Variants in NSUN7 observed in about 807,000 individuals in gnomAD.
NSUN7 encodes the protein NOP2/Sun RNA methyltransferase family member 7.
A neutral mutation model predicts 58.5 loss-of-function variants in NSUN7; 39 were observed. That is an observed-to-expected ratio of 0.67 (90% confidence interval 0.52 to 0.87). NSUN7 has a LOEUF of 0.87. NSUN7 is among the 40% of genes least tolerant of loss of function. The probability of loss-of-function intolerance (pLI) is 0.00; values close to 1 mark genes in which losing one functional copy is unlikely to be tolerated. For missense variants in NSUN7, 765 were observed against 844.1 expected, an observed-to-expected ratio of 0.91 and a Z score of 1.16; for synonymous variants, 278 against 303.7, an observed-to-expected ratio of 0.92 and a Z score of 0.88.
chr4:40,786,711 T>A, intron 7 of NSUN7: 1 of 1,567,554 alleles, frequency 6.4e-7, no homozygotes, highest in Non-Finnish European at 8.6e-7. Flanking sequence ...AAAAGAAAGA[T>A]GAATATCAAT....
chr4:40,760,738 G>T (rs1170794185), intron 3 of NSUN7, among the ~76,000 whole-genome samples: 1 of 151,780 alleles, frequency 6.6e-6, no homozygotes, highest in East Asian at 1.9e-4. Flanking sequence ...GCACATGCCT[G>T]TAATCCCAGC....
At chr4:40,757,940 A>G (rs1741258888) in intron 2 of NSUN7, among the ~76,000 whole-genome samples, 1 of 92,602 alleles carries the variant, frequency 1.1e-5, no homozygotes, top group Non-Finnish European at 2.5e-5. Flanking sequence ...GTTTTTGGGC[A>G]ACGGAGTTTC....
At chr4:40,793,937 A>C (rs1230026946) in intron 8 of NSUN7, among the ~76,000 whole-genome samples, 1 of 152,134 alleles carries the variant, frequency 6.6e-6, no homozygotes, top group Non-Finnish European at 1.5e-5. Flanking sequence ...TTTTCTTCCA[A>C]AGTTTCTTTT....
intron 2 of NSUN7, among the ~76,000 whole-genome samples, chr4:40,753,687 A>C (rs746101831): frequency 4.6e-5 from 7 of 152,224 alleles, no homozygotes. Flanking sequence ...TTTTTCTTAT[A>C]ATAATACGTT....
chr4:40,782,667 C>G (rs557610641), intron 7 of NSUN7, among the ~76,000 whole-genome samples: 1 of 151,906 alleles, frequency 6.6e-6, no homozygotes, highest in Non-Finnish European at 1.5e-5. Context: ...GCCAGGAGTT[C>G]GAGACCAATC....
rs188619978 is a variant in NSUN7, at chr4:40,755,570, G to A, written c.298+4579G>A. Among the ~76,000 whole-genome samples, 332 of 152,280 alleles carry A rather than the reference G, an allele frequency of 2.2e-3. 2 individuals are homozygous for A. The highest frequency in any genetic ancestry group is 7.4e-3 in the African/African-American group (309 of 41,556). ...GAACTTCGAATCCCAGGAACTGATT[G>A]TAGCATTAACCTGGTGATTTCAGAA... On this transcript the variant is annotated intron_variant, in intron 2 of 11. Transcript: ENST00000381782.
chr4:40,751,787 C>T (rs1382333661), intron 2 of NSUN7, among the ~76,000 whole-genome samples: 1 of 151,968 alleles, frequency 6.6e-6, no homozygotes. Flanking sequence ...TGAGCTCAGG[C>T]GTTAAAGACC....
chr4:40,801,839 C>T (rs1355755861), intron 10 of NSUN7, among the ~76,000 whole-genome samples: 1 of 144,794 alleles, frequency 6.9e-6, no homozygotes, highest in African/African-American at 2.6e-5. Flanking sequence ...GAGGTTAAGG[C>T]TGTAGTGAGC....
At chr4:40,799,881 G>A (rs144577989) in intron 10 of NSUN7, among the ~76,000 whole-genome samples, 26 of 152,194 alleles carry the variant, frequency 1.7e-4, no homozygotes, top group East Asian at 1.4e-3. Flanking sequence ...GACTTCAGCT[G>A]TCATGATAAA....
chr4:40,754,694 C>G lies in NSUN7; in HGVS notation c.298+3703C>G, dbSNP rs75889811. Among the ~76,000 whole-genome samples, 749 of 152,210 alleles carry G rather than the reference C, an allele frequency of 4.9e-3. 5 individuals carry two copies. The highest frequency in any genetic ancestry group is 0.017 in the African/African-American group (713 of 41,522). ...TTAAAGAGAGCTTGAGTAATGGTCC[C>G]TTTTGTTTGTGAATTTGTGAACAGG... On this transcript the variant is annotated intron_variant, in intron 2 of 11. Coordinates refer to ENST00000381782, the MANE Select transcript of NSUN7 (RefSeq NM_024677.6).
chr4:40,787,345 A>G (rs1283637803), intron 7 of NSUN7, among the ~76,000 whole-genome samples: 1 of 147,284 alleles, frequency 6.8e-6, no homozygotes, highest in African/African-American at 2.5e-5. Context: ...AAATAAAAAA[A>G]TAAAAAAAGT....
Position 40,761,076 on chromosome 4 carries a change from C to T in NSUN7, c.358-95C>T, listed in dbSNP as rs1374083422. ...ATGTAAAAATAGTCGTATTCCTGCTCTGTTATGAAAAATAATGGAATGGAA... is the reference window on the plus strand; with the variant it reads ...ATGTAAAAATAGTCGTATTCCTGCTTTGTTATGAAAAATAATGGAATGGAA... On this transcript the variant is annotated intron_variant, in intron 3 of 11. Coordinates refer to ENST00000381782, the MANE Select transcript of NSUN7 (RefSeq NM_024677.6). The T allele has an allele frequency of 3.1e-6, 3 of 976,274 alleles. No individual in the cohort carries two copies. The East Asian group carries it at 8.1e-5, about 26-fold the overall frequency. The allele number at this position is 976,274 out of a possible 1,614,324, so 60.5% of individuals were successfully genotyped here.
intron 7 of NSUN7, among the ~76,000 whole-genome samples, chr4:40,790,200 A>G (rs895731162): frequency 6.6e-6 from 1 of 151,840 alleles, no homozygotes; most frequent in South Asian, 2.1e-4. Context: ...CTCAGTCTTC[A>G]CCACAGTTAT....
intron 7 of NSUN7, among the ~76,000 whole-genome samples, chr4:40,783,088 T>G (rs76268226): frequency 0.29 from 43,884 of 152,090 alleles, 6,713 homozygotes; most frequent in Non-Finnish European, 0.34. Context: ...GAACAAAGTT[T>G]ATAGGACTCA....
chr4:40,761,172 C>T lies in NSUN7; in HGVS notation c.359C>T (p.Pro120Leu), dbSNP rs1441380494. Residue 120 changes from proline to leucine, a missense_variant and splice_region_variant, in exon 4 of 12, where the codon CCA becomes CTA. Physicochemically the swap from Pro to Leu is moderately conservative, Grantham distance 98. Coordinates refer to ENST00000381782, the MANE Select transcript of NSUN7 (RefSeq NM_024677.6). ...DSCIFPSTTI[P>L]DHLSSLIIVM... ...TTTATATATGTTTTCCCTTGTTAGC[C>T]AGATCATTTGAGCAGTCTTATTATT... 3 of 1,575,324 alleles carry T rather than the reference C, an allele frequency of 1.9e-6. No individual in the cohort carries two copies. The highest frequency in any genetic ancestry group is 2.6e-6 in the Non-Finnish European group (3 of 1,166,488).
chr4:40,803,788 G>A (rs1017594628), intron 10 of NSUN7, among the ~76,000 whole-genome samples: 6 of 152,204 alleles, frequency 3.9e-5, no homozygotes, highest in Non-Finnish European at 5.9e-5. Context: ...TGGTCATCCA[G>A]TTCTCCCAGC....
At chr4:40,789,262 ACT>A (rs1331036485) in intron 7 of NSUN7, among the ~76,000 whole-genome samples, 5 of 152,182 alleles carry the variant, frequency 3.3e-5, no homozygotes, top group African/African-American at 1.2e-4. Flanking sequence ...ATTGTGGGAA[ACT>A]CTGGCAGGGC....
At chr4:40,763,688 A>G (rs1340021077) in intron 4 of NSUN7, among the ~76,000 whole-genome samples, 2 of 152,120 alleles carry the variant, frequency 1.3e-5, no homozygotes, top group Admixed American at 6.6e-5. Context: ...GGTCAGAGGA[A>G]CCAGAAGATA....
intron 3 of NSUN7, 102 bp from the exon 4 acceptor site, chr4:40,761,069 T>C (rs748396649): frequency 1.3e-4 from 119 of 915,422 alleles, no homozygotes; most frequent in Non-Finnish European, 1.8e-4. Context: ...ATAGTCGTAT[T>C]CCTGCTCTGT....
Sources: allele counts gnomAD v4.1 joint callset (sites outside exome capture counted in the v4.1 genomes callset), GRCh38; gene constraint gnomAD v4.1.1; transcripts MANE v1.5; gene names NCBI Gene and HGNC (gene_info 2026-07-23, HGNC 2026-07-21).